The following DPYD variants were observed in gnomAD, a reference collection of about 807,000 sequenced individuals.
DPYD encodes dihydropyrimidine dehydrogenase.
DPYD carries 109 observed loss-of-function variants against 116.2 expected under a neutral mutation model. That is an observed-to-expected ratio of 0.94 (90% CI 0.80 to 1.10). The LOEUF is 1.10. Ranked by LOEUF, DPYD falls within the 50% of genes least tolerant of loss-of-function variation. DPYD has a pLI of 0.00. For missense variants in DPYD, 1,302 were observed against 1,254.5 expected (o/e 1.04, Z -0.57); for synonymous variants, 440 against 432.0 (o/e 1.02, Z -0.23).
intron 10 of DPYD, among the ~76,000 whole-genome samples, chr1:97,587,813 G>A (rs1395284135): frequency 7.8e-6 from 1 of 128,586 alleles, no homozygotes; most frequent in Non-Finnish European, 1.6e-5. Context: ...GACAGAGCAA[G>A]ACTCCATCTC....
chr1:97,132,513 TAAC>T (rs1653417033), intron 20 of DPYD, among the ~76,000 whole-genome samples: 1 of 152,094 alleles, frequency 6.6e-6, no homozygotes, highest in Admixed American at 6.6e-5. Context: ...TTTTCAAATA[TAAC>T]AATAATAACT....
chr1:97,913,569 A>C (rs1674070081), intron 1 of DPYD, among the ~76,000 whole-genome samples: 1 of 152,176 alleles, frequency 6.6e-6, no homozygotes, highest in Non-Finnish European at 1.5e-5. Flanking sequence ...TTTAATTAAC[A>C]AATAGTAAAT....
intron 20 of DPYD, among the ~76,000 whole-genome samples, chr1:97,177,099 T>G (rs1657333954): frequency 6.6e-6 from 1 of 152,140 alleles, no homozygotes; most frequent in Admixed American, 6.6e-5. Context: ...ATTGCAATTA[T>G]CACACTATAT....
chr1:97,720,925 G>T (rs780181611), intron 5 of DPYD: 6 of 1,609,036 alleles, frequency 3.7e-6, no homozygotes, highest in South Asian at 2.2e-5. Flanking sequence ...CAGGATCAAA[G>T]TCTATGGGAT....
chr1:97,883,453 T>C (rs1053229218), intron 1 of DPYD, 79 bp from the exon 2 acceptor site: 1 of 1,106,082 alleles, frequency 9.0e-7, no homozygotes, highest in African/African-American at 1.6e-5. Context: ...TTTATTTTTA[T>C]TTATTTTGAG....
intron 3 of DPYD, among the ~76,000 whole-genome samples, chr1:97,827,323 T>A (rs1669291339): frequency 6.6e-6 from 1 of 152,110 alleles, no homozygotes; most frequent in African/African-American, 2.4e-5. Flanking sequence ...AAATACACTT[T>A]CTTTACAAAG....
At chr1:97,700,255 T>C (rs999498961) in intron 5 of DPYD, 15 of 455,800 alleles carry the variant, frequency 3.3e-5, no homozygotes, top group Non-Finnish European at 6.2e-5. Context: ...TGGCAGTCTT[T>C]TGAAACCAGA....
chr1:97,812,893 C>T (rs938034024), intron 3 of DPYD, among the ~76,000 whole-genome samples: 6 of 152,030 alleles, frequency 3.9e-5, no homozygotes, highest in African/African-American at 1.4e-4. Context: ...TTATCATGCT[C>T]TTTAAAAACA....
At chr1:97,494,874 C>G (rs1002401100) in intron 13 of DPYD, among the ~76,000 whole-genome samples, 4 of 152,030 alleles carry the variant, frequency 2.6e-5, no homozygotes, top group African/African-American at 9.7e-5. Context: ...TCTCAAAAGT[C>G]AAAATACTGG....
Position 97,549,649 on chromosome 1 carries a change from C to T in DPYD, c.1435G>A (p.Gly479Ser), listed in dbSNP as rs1651166304. ...TTAGCCAAACCAACGACATCACCAC[C>T]TGCAAATACCCATGCTTCACTAGTT... ...MQTSEAWVFA[G>S]GDVVGLANTT... Residue 479 changes from glycine to serine, a missense_variant, in exon 12 of 23, where the codon GGT (glycine) becomes AGT (serine). Transcript: ENST00000370192. The T allele has an allele frequency of 1.9e-6, 3 of 1,613,900 alleles. No homozygotes were observed. Among genetic ancestry groups the T allele is most frequent in the Non-Finnish European group, 2.5e-6 (3 of 1,179,898 alleles).
chr1:97,658,225 A>G (rs1571142953), intron 8 of DPYD, among the ~76,000 whole-genome samples: 4 of 152,310 alleles, frequency 2.6e-5, no homozygotes, highest in African/African-American at 9.6e-5. Flanking sequence ...ATCTAAATAT[A>G]TATTTCCTAA....
chr1:97,866,299 A>T (rs148944761), intron 2 of DPYD, among the ~76,000 whole-genome samples: 1 of 152,064 alleles, frequency 6.6e-6, no homozygotes, highest in East Asian at 1.9e-4. Context: ...CTTCCACAAG[A>T]CAGCTTCTTT....
chr1:97,345,946 T>C (rs748404145), intron 16 of DPYD, among the ~76,000 whole-genome samples: 1 of 151,892 alleles, frequency 6.6e-6, no homozygotes, highest in African/African-American at 2.4e-5. Context: ...TAAAAATAGG[T>C]TTAAAATTTT....
intron 3 of DPYD, among the ~76,000 whole-genome samples, chr1:97,751,460 GTATATATATATATATA>G (rs1553233231): frequency 5.2e-4 from 11 of 21,290 alleles, no homozygotes; most frequent in East Asian, 3.5e-3. Flanking sequence ...GTGTGTGTGT[GTATATATATATATATA>G]TATATATATA....
intron 16 of DPYD, among the ~76,000 whole-genome samples, chr1:97,314,763 C>T (rs1015318539): frequency 5.3e-5 from 8 of 151,988 alleles, no homozygotes; most frequent in South Asian, 2.1e-4. Context: ...TTGCTTCTGC[C>T]GGCTAATCCC....
At chr1:97,541,210 G>A (rs896195712) in intron 12 of DPYD, among the ~76,000 whole-genome samples, 1 of 152,172 alleles carries the variant, frequency 6.6e-6, no homozygotes, top group Non-Finnish European at 1.5e-5. Context: ...AGAGTCAGCT[G>A]TATGTTTCTC....
At chr1:97,811,867 G>A (rs1668364787) in intron 3 of DPYD, among the ~76,000 whole-genome samples, 1 of 131,336 alleles carries the variant, frequency 7.6e-6, no homozygotes, top group African/African-American at 2.9e-5. Context: ...AGAGTCTGAG[G>A]TCATTAAATA....
In DPYD at chr1:97,794,008, G is replaced by T. The variant is rs182392909; in HGVS notation, c.233+34106C>A. Among the ~76,000 whole-genome samples the T allele has an allele frequency of 1.2e-3, 185 of 152,260 alleles. 1 individual carries two copies. The highest frequency in any genetic ancestry group is 4.0e-3 in the African/African-American group (168 of 41,568). On this transcript the variant is annotated intron_variant, in intron 3 of 22. Transcript: ENST00000370192. ...GCTAGAGTGCTGTGGTGCAATCATGGCTCACTGCAGCCTCAACTTCCTGGG... is the reference window on the plus strand; with the variant it reads ...GCTAGAGTGCTGTGGTGCAATCATGTCTCACTGCAGCCTCAACTTCCTGGG...
intron 19 of DPYD, among the ~76,000 whole-genome samples, chr1:97,228,470 T>C (rs189429306): frequency 5.9e-4 from 90 of 152,282 alleles, no homozygotes; most frequent in Middle Eastern, 3.4e-3. Context: ...TTACATAAGA[T>C]TTTGAAATTA....
Sources: gnomAD v4.1 joint callset for allele counts (sites outside exome capture counted in the v4.1 genomes callset) on GRCh38, gnomAD v4.1.1 for gene constraint, MANE v1.5 for transcripts, NCBI Gene and HGNC (gene_info 2026-07-23, HGNC 2026-07-21) for gene names.